ARAP3: variants seen among roughly 807,000 people sequenced by gnomAD.
The protein encoded by ARAP3 is arf-GAP with Rho-GAP domain, ANK repeat and PH domain-containing protein 3.
Under a neutral mutation model 169.2 loss-of-function variants are expected in ARAP3, and 82 were observed. The observed-to-expected ratio is 0.48, with a 90% confidence interval of 0.41 to 0.58. ARAP3 has a LOEUF of 0.58. Among genes scored for constraint, ARAP3 ranks in the 20% least tolerant of loss-of-function variants. ARAP3 has a pLI of 0.00. For missense variants in ARAP3, 1,764 were observed against 2,018.0 expected (o/e 0.87, Z 2.41); for synonymous variants, 791 against 800.3 (o/e 0.99, Z 0.20).
rs750046008 is a variant in ARAP3, at chr5:141,666,506, G to T, written c.2490C>A (p.Asp830Glu). The T allele has an allele frequency of 1.2e-6, 2 of 1,603,988 alleles. No homozygotes were observed. The highest frequency in any genetic ancestry group is 3.4e-5 in the Admixed American group (2 of 58,588). ...WLSGFGLLRG[D>E]HLFLCSAPGP... ...CCGGCGCTGAGCACAGGAAGAGGTG[G>T]TCACCACGAAGGAGGCCAAACCCTG... The change falls in exon 17 of 33, where the codon GAC becomes GAA. Residue 830 changes from aspartate (D) to glutamate (E), a missense_variant. Physicochemically the swap from Asp to Glu is conservative, Grantham distance 45. Transcript: ENST00000239440.
Position 141,659,887 on chromosome 5 carries a change from C to G in ARAP3, c.3159G>C (p.Arg1053=). 1 of 1,586,586 alleles carries G rather than the reference C, an allele frequency of 6.3e-7. No individual in the cohort carries two copies. The highest frequency in any genetic ancestry group is 1.2e-5 in the South Asian group (1 of 86,912). ...KCAALNQMCT[R]NLALLFAPSV... ...TGGGTGCAAACAGCAGAGCCAAGTTCCGCGTGCACATCTGGTTTAGAGCCG... is the reference window on the plus strand; with the variant it reads ...TGGGTGCAAACAGCAGAGCCAAGTTGCGCGTGCACATCTGGTTTAGAGCCG... Residue 1053 remains arginine (R), a synonymous_variant, in exon 22 of 33, where the codon CGG becomes CGC. Transcript: ENST00000239440.
rs970387673 is a variant in ARAP3, at chr5:141,653,574, T to C, written c.*376A>G. 6.1e-6 allele frequency: 1 copy of C among 164,308 alleles called. No individual in the cohort carries two copies. The highest frequency in any genetic ancestry group is 6.4e-5 in the Admixed American group (1 of 15,704). 10.2% of individuals were successfully genotyped at this position (164,308 alleles called of 1,614,324 possible). ...CCTCTGGTTTCCAAAGCATTTTTTT[T>C]CTTTAATGCAGTAAAACCATTCCTT... On this transcript the variant is annotated 3_prime_UTR_variant, in exon 33 of 33. Coordinates refer to ENST00000239440, the MANE Select transcript of ARAP3 (RefSeq NM_022481.6).
At chr5:141,673,922 T>C (rs1249464740) in intron 4 of ARAP3, 114 bp from the exon 5 acceptor site, 4 of 863,200 alleles carry the variant, frequency 4.6e-6, no homozygotes, top group Non-Finnish European at 6.8e-6. Flanking sequence ...TGGCAGGTAC[T>C]GGATCTGATT....
At chr5:141,669,391 C>T (rs1190416953) in intron 16 of ARAP3, among the ~76,000 whole-genome samples, 5 of 152,156 alleles carry the variant, frequency 3.3e-5, no homozygotes, top group South Asian at 2.1e-4. Flanking sequence ...AGGTTTGGGC[C>T]GTGAGCTTTG....
chr5:141,673,534 C>A (rs2099911730), intron 5 of ARAP3, 64 bp from the exon 6 acceptor site: 1 of 1,612,998 alleles, frequency 6.2e-7, no homozygotes. Context: ...ATCATAGGGT[C>A]TGGGGGCACT....
At chr5:141,655,307 G>T in intron 32 of ARAP3, 55 bp downstream of exon 32, 1 of 1,550,506 alleles carries the variant, frequency 6.4e-7, no homozygotes, top group South Asian at 1.2e-5. Flanking sequence ...GGCTCAGGCA[G>T]CACAGAGGAA....
At chr5:141,661,853 G>A in intron 20 of ARAP3, 64 bp from the exon 21 acceptor site, 1 of 1,573,324 alleles carries the variant, frequency 6.4e-7, no homozygotes, top group Non-Finnish European at 8.7e-7. Flanking sequence ...CTGGTACAGA[G>A]GGAGGGATTT....
Position 141,662,231 on chromosome 5 carries a change from C to A in ARAP3, c.2825G>T (p.Arg942Leu), listed in dbSNP as rs778361840. The change falls in exon 20 of 33, where the codon CGG becomes CTG. Residue 942 changes from arginine to leucine, a missense_variant. Arg to Leu is a moderately radical substitution (Grantham distance 102). Around this residue, in one of 3 missense-constraint regions of ARAP3, gnomAD observed 1,112 missense variants for 1,285.7 expected, o/e 0.86. Coordinates refer to ENST00000239440, the MANE Select transcript of ARAP3 (RefSeq NM_022481.6). ...GCTGCGGGCACGAGCGCCCCCTTTC[C>A]GGTATACACCTTCCAGCCGGAGCCC... Reference protein sequence around the residue: ...QHGLRLEGVYRKGGARARSLR... With the variant: ...QHGLRLEGVYLKGGARARSLR... The A allele has an allele frequency of 1.2e-6, 2 of 1,614,074 alleles. No homozygotes were observed. Among genetic ancestry groups the A allele is most frequent in the Non-Finnish European group, 1.7e-6 (2 of 1,180,044 alleles).
In ARAP3 at chr5:141,656,253, C is replaced by A. The variant is rs1292539450; in HGVS notation, c.3813G>T (p.Trp1271Cys). 1 of 1,614,128 alleles carries A rather than the reference C, an allele frequency of 6.2e-7. No individual in the cohort carries two copies. Among genetic ancestry groups the A allele is most frequent in the Non-Finnish European group, 8.5e-7 (1 of 1,180,030 alleles). The part of the protein sequence containing the change: ...EKKSSKPERE[W>C]PLEGAKVYLG... ...GGTAGACCTTGGCACCTTCCAAAGG[C>A]CACTCCCGTTCTGGTTTAGAGCTCT... Residue 1271 changes from tryptophan (W) to cysteine (C), a missense_variant, in exon 28 of 33, where the codon TGG becomes TGT. Trp to Cys is a radical substitution (Grantham distance 215, BLOSUM62 -2). Transcript: ENST00000239440.
intron 4 of ARAP3, among the ~76,000 whole-genome samples, chr5:141,675,111 G>A (rs746178164): frequency 1.3e-5 from 2 of 152,010 alleles, no homozygotes; most frequent in Non-Finnish European, 2.9e-5. Flanking sequence ...CCATGTTTCA[G>A]AGCCTTTGCA....
rs2099910457 is a variant in ARAP3 at position 141,665,081 on chromosome 5, G to A, written c.2641C>T (p.Leu881=). ...HLVLVETGRT[L]YLQGEGRLDF... ...AGCCGGCCCTCTCCTTGCAGATACAGGGTCCTGAGACCCCAGAGGCCTGAA... is the reference window on the plus strand; with the variant it reads ...AGCCGGCCCTCTCCTTGCAGATACAAGGTCCTGAGACCCCAGAGGCCTGAA... Residue 881 remains leucine (L), a synonymous_variant, in exon 19 of 33, where the codon CTG becomes TTG. Transcript: ENST00000239440. The A allele has an allele frequency of 2.5e-6, 4 of 1,611,554 alleles. No individual in the cohort carries two copies. The East Asian group carries it at 6.7e-5, about 27-fold the overall frequency.
chr5:141,655,813 C>G, intron 30 of ARAP3, 55 bp from the exon 31 acceptor site: 1 of 1,614,166 alleles, frequency 6.2e-7, no homozygotes, highest in African/African-American at 1.3e-5. Flanking sequence ...CTGAGGAGGA[C>G]AGCTGGGCCC....
In ARAP3 at chr5:141,656,189, C is replaced by T; in HGVS notation, c.3872+5G>A. On this transcript the variant is annotated splice_donor_5th_base_variant and intron_variant, in intron 28 of 32. Coordinates refer to ENST00000239440, the MANE Select transcript of ARAP3 (RefSeq NM_022481.6). The stretch of plus-strand genomic sequence containing the variant: ...TGGAAGTGCGGGCTGGGGAAGAAAA[C>T]TCACGGTGTTGGGGGCTTTAACTTC... The T allele has an allele frequency of 1.2e-6, 2 of 1,614,122 alleles. No individual in the cohort carries two copies. The highest frequency in any genetic ancestry group is 1.7e-6 in the Non-Finnish European group (2 of 1,180,026).
At chr5:141,669,576 G>T in intron 16 of ARAP3, 133 bp downstream of exon 16, 1 of 815,784 alleles carries the variant, frequency 1.2e-6, no homozygotes. Context: ...CACAGGGCCT[G>T]GCACAGAATA....
chr5:141,680,686 G>A, intron 1 of ARAP3, 183 bp from the exon 2 acceptor site: 1 of 978,520 alleles, frequency 1.0e-6, no homozygotes, highest in Non-Finnish European at 1.4e-6. Flanking sequence ...ACTTAGGGAA[G>A]GGACTTCATT....
At chr5:141,657,235 G>T (rs2099909377) in intron 25 of ARAP3, among the ~76,000 whole-genome samples, 1 of 152,208 alleles carries the variant, frequency 6.6e-6, no homozygotes, top group South Asian at 2.1e-4. Flanking sequence ...AGATTGGGTG[G>T]TAGAAGATTT....
Position 141,671,660 on chromosome 5 carries a change from G to T in ARAP3, c.1764C>A (p.Gly588=), listed in dbSNP as rs374261057. The change falls in exon 12 of 33, where the codon GGC becomes GGA. Residue 588 remains glycine, a synonymous_variant. Coordinates refer to ENST00000239440, the MANE Select transcript of ARAP3 (RefSeq NM_022481.6). This position sits in a 1 kb window ranked among gnomAD's most constrained non-coding sequence, Gnocchi z 4.9. ...TTCGGGAGATGAACTCTCCCCGGGG[G>T]CCAGGGGTCGCATCTGGATGTAGTC... The part of the protein sequence containing the change: ...GEGLHPDATP[G]PRGEFISRKY... 5 of 1,613,880 alleles carry T rather than the reference G, an allele frequency of 3.1e-6. No homozygotes were observed. Among genetic ancestry groups the T allele is most frequent in the African/African-American group, 2.7e-5 (2 of 75,016 alleles).
At chr5:141,674,971 A>ACGTCCCATT (rs2099911959) in intron 4 of ARAP3, among the ~76,000 whole-genome samples, 1 of 152,190 alleles carries the variant, frequency 6.6e-6, no homozygotes, top group Non-Finnish European at 1.5e-5. Flanking sequence ...CCCTTCAATA[A>ACGTCCCATT]CGTCCCATTC....
intron 19 of ARAP3, among the ~76,000 whole-genome samples, chr5:141,662,832 G>A (rs1258026936): frequency 6.6e-6 from 1 of 152,200 alleles, no homozygotes; most frequent in Non-Finnish European, 1.5e-5. Flanking sequence ...GCTGTGACAT[G>A]CCTTACAGAG....
Sources: gnomAD v4.1 joint callset for allele counts (sites outside exome capture counted in the v4.1 genomes callset) on GRCh38, gnomAD v4.1.1 for gene constraint, gnomAD v4.1.1 regional missense constraint, Gnocchi (gnomAD v3.1) non-coding constraint, MANE v1.5 for transcripts, NCBI Gene and HGNC (gene_info 2026-07-23, HGNC 2026-07-21) for gene names.